ATG7: variants seen among roughly 807,000 people sequenced by gnomAD.
ATG7 encodes the protein ubiquitin-like modifier-activating enzyme ATG7.
Under a neutral mutation model 82.4 loss-of-function variants are expected in ATG7, and 70 were observed. The ratio of observed to expected loss-of-function variants is 0.85; its 90% CI spans 0.70 to 1.04. The LOEUF (loss-of-function observed/expected upper bound fraction) is 1.04. Among genes scored for constraint, ATG7 ranks in the 50% least tolerant of loss-of-function variants. The probability of loss-of-function intolerance (pLI) is 0.00; values close to 1 mark genes in which losing one functional copy is unlikely to be tolerated. For synonymous variants in ATG7, 287 were observed against 313.0 expected, an observed-to-expected ratio of 0.92 and a Z score of 0.88; for missense variants, 792 against 864.3, an observed-to-expected ratio of 0.92 and a Z score of 1.05.
At chr3:11,478,989 A>AACACACACAAAC (rs766632953) in intron 20 of ATG7, among the ~76,000 whole-genome samples, 8,690 of 73,004 alleles carry the variant, frequency 0.12, 561 homozygotes, top group Non-Finnish European at 0.14. Context: ...GTATATTTAC[A>AACACACACAAAC]ACACACACAC....
chr3:11,511,329 A>G (rs1485236309), intron 20 of ATG7, among the ~76,000 whole-genome samples: 1 of 152,146 alleles, frequency 6.6e-6, no homozygotes, highest in East Asian at 1.9e-4. Context: ...AAGGTTCTCC[A>G]TGTTCCCATC....
At chr3:11,564,788 G>A in the ATG7 span, 5 of 1,535,560 alleles carry the variant, frequency 3.3e-6, no homozygotes, top group African/African-American at 4.2e-5. Flanking sequence ...CTCCCAGACA[G>A]AGGCCCACCT....
chr3:11,447,470 G>GA (rs764275667), intron 20 of ATG7, among the ~76,000 whole-genome samples: 3,671 of 135,294 alleles, frequency 0.027, 58 homozygotes, highest in African/African-American at 0.043. Flanking sequence ...CCGTCTCAGG[G>GA]AAAAAAAAAA....
At chr3:11,421,401 C>T (rs1467171180) in intron 19 of ATG7, among the ~76,000 whole-genome samples, 1 of 152,198 alleles carries the variant, frequency 6.6e-6, no homozygotes, top group Non-Finnish European at 1.5e-5. Context: ...CAACAATGTT[C>T]ACAGCATCTT....
At chr3:11,562,614 G>A (rs778484277), downstream of ATG7, among the ~76,000 whole-genome samples, 4 of 152,234 alleles carry the variant, frequency 2.6e-5, no homozygotes, top group Non-Finnish European at 5.9e-5. Context: ...CAGGGCGCCC[G>A]AGCCCAGCTC....
chr3:11,575,966 G>A, the ATG7 span, among the ~76,000 whole-genome samples: 7 of 152,206 alleles, frequency 4.6e-5, no homozygotes, highest in Non-Finnish European at 1.0e-4. Flanking sequence ...CAGATCCTCA[G>A]GTCACGTTTC....
intron 20 of ATG7, among the ~76,000 whole-genome samples, chr3:11,498,716 C>G (rs2091066806): frequency 6.6e-6 from 1 of 152,140 alleles, no homozygotes. Context: ...TCCTCTTTCC[C>G]CTTCTAATTG....
chr3:11,558,576 A>T (rs1190008776), downstream of ATG7: 1 of 1,595,630 alleles, frequency 6.3e-7, no homozygotes, highest in Admixed American at 1.7e-5. Flanking sequence ...ACAGAGGGGG[A>T]GTGACTGTGG....
intron 20 of ATG7, among the ~76,000 whole-genome samples, chr3:11,467,800 A>T (rs1426669422): frequency 6.6e-6 from 1 of 152,234 alleles, no homozygotes; most frequent in Non-Finnish European, 1.5e-5. Context: ...AGGCAAAGAC[A>T]TTATATGTCT....
chr3:11,296,118 C>T (rs969635431), intron 3 of ATG7, among the ~76,000 whole-genome samples: 43 of 152,190 alleles, frequency 2.8e-4, no homozygotes, highest in African/African-American at 1.0e-3. Flanking sequence ...TGCGGACATT[C>T]TCTAGGACTT....
chr3:11,568,498 G>A, the ATG7 span: 2 of 1,455,248 alleles, frequency 1.4e-6, no homozygotes, highest in African/African-American at 1.4e-5. The surrounding 1 kb of genome is among the most constrained non-coding windows in gnomAD (Gnocchi z 5.9). Flanking sequence ...GACAGTCCGT[G>A]GAACACAGCA....
At position 11,358,457 on chromosome 3, in the gene ATG7, C is replaced by A; in HGVS notation, c.1324C>A (p.His442Asn). Residue 442 changes from histidine to asparagine, a missense_variant, in exon 15 of 21, where the codon CAT becomes AAT. Coordinates refer to ENST00000693202, the MANE Select transcript of ATG7 (RefSeq NM_001349232.2). ...CAACATGAGCATACCTATGCCTGGG[C>A]ATCCAGTGAACTTCTCCAGTGTCAC... ...GFNMSIPMPGHPVNFSSVTLE... is the reference protein window; with the variant it reads ...GFNMSIPMPGNPVNFSSVTLE... 1 of 1,613,946 alleles carries A rather than the reference C, an allele frequency of 6.2e-7. No homozygotes were observed. Among genetic ancestry groups the A allele is most frequent in the Non-Finnish European group, 8.5e-7 (1 of 1,179,926 alleles).
intron 9 of ATG7, among the ~76,000 whole-genome samples, chr3:11,316,231 G>A (rs914965190): frequency 6.6e-6 from 1 of 152,050 alleles, no homozygotes; most frequent in African/African-American, 2.4e-5. Context: ...ATCATTCATT[G>A]ACCAAGAGCA....
chr3:11,568,072 C>T, the ATG7 span, among the ~76,000 whole-genome samples: 3 of 152,234 alleles, frequency 2.0e-5, no homozygotes, highest in Non-Finnish European at 4.4e-5. The surrounding 1 kb of genome is among the most constrained non-coding windows in gnomAD (Gnocchi z 5.9). Flanking sequence ...GGCTTACAAT[C>T]TAGCAGGGAC....
intron 20 of ATG7, among the ~76,000 whole-genome samples, chr3:11,455,344 G>T (rs915842214): frequency 6.6e-6 from 1 of 152,148 alleles, no homozygotes; most frequent in South Asian, 2.1e-4. Flanking sequence ...CCAGAATGAT[G>T]ACAATTCTAG....
At chr3:11,484,547 C>A (rs1417079151) in intron 20 of ATG7, among the ~76,000 whole-genome samples, 5 of 152,116 alleles carry the variant, frequency 3.3e-5, no homozygotes, top group East Asian at 1.9e-4. Context: ...TTTTCTTTTT[C>A]TTTTATTTTA....
In ATG7 at chr3:11,326,974, G is replaced by A. The variant is rs74924891; in HGVS notation, c.679-4366G>A. ...GGAAGGAAAAGGAACTTGCTGAGAT[G>A]CTGCATCACAGTTTTGTATGGAAGC... On this transcript the variant is annotated intron_variant, in intron 9 of 20. Transcript: ENST00000693202. Among the ~76,000 whole-genome samples the A allele has an allele frequency of 4.0e-3, 603 of 152,334 alleles. 3 individuals carry two copies. The highest frequency in any genetic ancestry group is 6.8e-3 in the Non-Finnish European group (465 of 68,026).
chr3:11,299,118 T>C (rs1001764991), intron 4 of ATG7: 3 of 600,718 alleles, frequency 5.0e-6, no homozygotes, highest in Non-Finnish European at 8.6e-6. Flanking sequence ...TGGGAAGAGA[T>C]TGGAAATATT....
rs34251925 is a variant in ATG7 at position 11,486,820 on chromosome 3, G to GT, written c.2079+59914dup. Among the ~76,000 whole-genome samples the GT allele has an allele frequency of 2.6e-3, 337 of 131,922 alleles. 1 individual carries two copies. Among genetic ancestry groups the GT allele is most frequent in the African/African-American group, 6.3e-3 (222 of 35,098 alleles). 86.5% of individuals were successfully genotyped at this position (131,922 alleles called of 152,430 possible). Reference sequence around the variant, plus strand: ...TCATGTGGTTTTTGTCTTTGGTTCTGTTTTTTTTTTTTTTTTTTTTAATTT... The same window carrying GT: ...TCATGTGGTTTTTGTCTTTGGTTCTGTTTTTTTTTTTTTTTTTTTTTAATTT... On this transcript the variant is annotated intron_variant, in intron 20 of 20. Coordinates refer to ENST00000693202, the MANE Select transcript of ATG7 (RefSeq NM_001349232.2).
Sources: allele counts gnomAD v4.1 joint callset (sites outside exome capture counted in the v4.1 genomes callset), GRCh38; gene constraint gnomAD v4.1.1; non-coding constraint Gnocchi (gnomAD v3.1); transcripts MANE v1.5; gene names NCBI Gene and HGNC (gene_info 2026-07-23, HGNC 2026-07-21).